The following ZNF215 variants were observed in gnomAD, a reference collection of about 807,000 sequenced individuals.
ZNF215 encodes zinc finger protein 215.
Under a neutral mutation model 27.2 loss-of-function variants are expected in ZNF215, and 24 were observed. That is an observed-to-expected ratio of 0.88 (90% confidence interval 0.64 to 1.24). ZNF215 has a LOEUF of 1.24. Among genes scored for constraint, ZNF215 ranks in the 50% most tolerant of loss-of-function variants. ZNF215 has a pLI of 0.00. For missense variants in ZNF215, 675 were observed against 605.7 expected (o/e 1.11, Z -1.20); for synonymous variants, 210 against 204.0 (o/e 1.03, Z -0.25).
rs779168194 is a variant in ZNF215, at chr11:6,956,261, T to A, written c.1284T>A (p.Leu428=). 1 of 1,613,918 alleles carries A rather than the reference T, an allele frequency of 6.2e-7. No homozygotes were observed. Among genetic ancestry groups the A allele is most frequent in the Non-Finnish European group, 8.5e-7 (1 of 1,179,946 alleles). Residue 428 remains leucine (L), a synonymous_variant, in exon 7 of 7, where the codon CTT becomes CTA. Coordinates refer to ENST00000278319, the MANE Select transcript of ZNF215 (RefSeq NM_013250.4). ...RRTNLTKHQK[L]HAEAKACTSN... is the part of the protein sequence containing the mutation. ...CAAACCTTACTAAGCATCAAAAACT[T>A]CATGCTGAAGCAAAGGCCTGCACAA...
At chr11:6,934,207 T>A (rs1423952451) in intron 3 of ZNF215, among the ~76,000 whole-genome samples, 1 of 152,196 alleles carries the variant, frequency 6.6e-6, no homozygotes, top group Non-Finnish European at 1.5e-5. Flanking sequence ...GATTGGTATC[T>A]GAGTTAAGAA....
intron 4 of ZNF215, among the ~76,000 whole-genome samples, chr11:6,942,778 T>G (rs1849674459): frequency 6.6e-6 from 1 of 152,216 alleles, no homozygotes; most frequent in African/African-American, 2.4e-5. Context: ...GCATAGTAAT[T>G]TTTTGTTCTA....
At chr11:6,955,392 T>A (rs1288793119) in intron 6 of ZNF215, among the ~76,000 whole-genome samples, 1 of 152,234 alleles carries the variant, frequency 6.6e-6, no homozygotes, top group Non-Finnish European at 1.5e-5. Flanking sequence ...GAACCAGTGA[T>A]AACTTGAATT....
downstream of ZNF215, among the ~76,000 whole-genome samples, chr11:6,985,582 A>G (rs7113145): frequency 5.0e-3 from 766 of 152,220 alleles, 7 homozygotes; most frequent in African/African-American, 0.018. Flanking sequence ...CCAAATAGGA[A>G]AAGAAGTCAA....
chr11:6,944,850 G>A (rs190443541), intron 6 of ZNF215, among the ~76,000 whole-genome samples: 2 of 151,922 alleles, frequency 1.3e-5, no homozygotes, highest in African/African-American at 4.8e-5. Context: ...ACATACCATC[G>A]TGATTACCTA....
downstream of ZNF215, among the ~76,000 whole-genome samples, chr11:6,960,865 G>C (rs905521895): frequency 6.6e-6 from 1 of 152,134 alleles, no homozygotes; most frequent in Non-Finnish European, 1.5e-5. Context: ...CTTTGGTGAA[G>C]AGAGTACTAA....
downstream of ZNF215, among the ~76,000 whole-genome samples, chr11:6,987,530 TGAAAAAA>T (rs1385332748): frequency 1.3e-5 from 2 of 152,044 alleles, no homozygotes; most frequent in Non-Finnish European, 2.9e-5. Context: ...AGATAAAAGT[TGAAAAAA>T]GAAAAAAGCA....
rs564233104 is a variant in ZNF215 at position 6,957,301 on chromosome 11, G to A, written c.*770G>A. ...GTTCGCACACTCTCCCTATGTCTCC[G>A]GGTGCTCCAGTTTCAAACCCCAAAG... On this transcript the variant is annotated 3_prime_UTR_variant, in exon 7 of 7. Transcript: ENST00000278319. 3.9e-4 allele frequency: 205 copies of A among 519,938 alleles called. No individual in the cohort carries two copies. Among genetic ancestry groups the A allele is most frequent in the Middle Eastern group, 2.0e-3 (2 of 1,002 alleles). The allele number at this position is 519,938 out of a possible 1,614,324, so 32.2% of individuals were successfully genotyped here.
chr11:6,941,740 C>A (rs10839663), intron 4 of ZNF215, 87 bp downstream of exon 4: 1 of 1,378,064 alleles, frequency 7.3e-7, no homozygotes, highest in Non-Finnish European at 1.0e-6. Context: ...GAACTTGTGC[C>A]AAACATGGTT....
chr11:6,958,437 A>G (rs917219326), downstream of ZNF215, among the ~76,000 whole-genome samples: 4 of 152,208 alleles, frequency 2.6e-5, no homozygotes, highest in Non-Finnish European at 4.4e-5. Context: ...AGTGTTTACT[A>G]TGTTCACTAA....
chr11:6,993,358 A>C (rs2133367884), downstream of ZNF215, among the ~76,000 whole-genome samples: 1 of 152,194 alleles, frequency 6.6e-6, no homozygotes, highest in Admixed American at 6.5e-5. Flanking sequence ...TTCCTACTTC[A>C]TTTTAGCCTC....
Position 6,957,303 on chromosome 11 carries a change from G to A in ZNF215, c.*772G>A. On this transcript the variant is annotated 3_prime_UTR_variant, in exon 7 of 7. Transcript: ENST00000278319. ...TCGCACACTCTCCCTATGTCTCCGG[G>A]TGCTCCAGTTTCAAACCCCAAAGAT... 6 of 515,544 alleles carry A rather than the reference G, an allele frequency of 1.2e-5. No homozygotes were observed. The highest frequency in any genetic ancestry group is 1.5e-5 in the Non-Finnish European group (6 of 400,696). 31.9% of individuals were successfully genotyped at this position (515,544 alleles called of 1,614,324 possible).
At chr11:6,933,687 A>C (rs969795183) in intron 3 of ZNF215, among the ~76,000 whole-genome samples, 2 of 150,154 alleles carry the variant, frequency 1.3e-5, no homozygotes, top group African/African-American at 4.9e-5. Context: ...CCCAGCTACT[A>C]GGGAGGCTGA....
intron 3 of ZNF215, among the ~76,000 whole-genome samples, chr11:6,934,333 G>C (rs1321648938): frequency 2.6e-5 from 4 of 152,146 alleles, no homozygotes; most frequent in African/African-American, 9.7e-5. Flanking sequence ...TTGAGGTTTA[G>C]TTTGAGCAGT....
chr11:6,956,303 G>A lies in ZNF215; in HGVS notation c.1326G>A (p.Lys442=), dbSNP rs1293890473. 2 of 1,614,122 alleles carry A rather than the reference G, an allele frequency of 1.2e-6. No homozygotes were observed. Among genetic ancestry groups the A allele is most frequent in the African/African-American group, 1.3e-5 (1 of 75,036 alleles). Residue 442 remains lysine, a synonymous_variant, in exon 7 of 7, where the codon AAG becomes AAA. Coordinates refer to ENST00000278319, the MANE Select transcript of ZNF215 (RefSeq NM_013250.4). ...CCTGCACAAGCAATAAATGTGGAAA[G>A]GCCTTCAGTAAAAGTGAAGACAGTA... The part of the protein sequence containing the change: ...AKACTSNKCG[K]AFSKSEDSNN...
At chr11:6,944,925 T>C (rs931941897) in intron 6 of ZNF215, among the ~76,000 whole-genome samples, 1 of 152,180 alleles carries the variant, frequency 6.6e-6, no homozygotes, top group African/African-American at 2.4e-5. Context: ...CATAATACAT[T>C]TAACCATTCC....
chr11:6,948,385 C>G (rs1475625104), intron 6 of ZNF215, among the ~76,000 whole-genome samples: 1 of 152,188 alleles, frequency 6.6e-6, no homozygotes, highest in Non-Finnish European at 1.5e-5. Flanking sequence ...CCAGTGTACA[C>G]TGGTGAGGCG....
chr11:6,967,690 CT>C (rs1474830444), intron 5 of ZNF215, among the ~76,000 whole-genome samples: 1 of 152,104 alleles, frequency 6.6e-6, no homozygotes, highest in Non-Finnish European at 1.5e-5. Flanking sequence ...GATATTAGCC[CT>C]TTTTCAGGTG....
chr11:6,951,031 A>C (rs948348551), intron 6 of ZNF215, among the ~76,000 whole-genome samples: 19 of 152,188 alleles, frequency 1.2e-4, no homozygotes, highest in African/African-American at 2.9e-4. Context: ...ATGCTGGATT[A>C]CATTTATTGA....
Sources: gnomAD v4.1 joint callset for allele counts (sites outside exome capture counted in the v4.1 genomes callset) on GRCh38, gnomAD v4.1.1 for gene constraint, MANE v1.5 for transcripts, NCBI Gene and HGNC (gene_info 2026-07-23, HGNC 2026-07-21) for gene names.